SCGB1D4: variants seen among roughly 807,000 people sequenced by gnomAD.
The protein encoded by SCGB1D4 is IFN-gamma inducible SCGB (IIS).
A neutral mutation model predicts 8.1 loss-of-function variants in SCGB1D4; 6 were observed. The observed-to-expected ratio is 0.74, with a 90% CI of 0.40 to 1.45. SCGB1D4 has a LOEUF of 1.45. Ranked by LOEUF, SCGB1D4 falls within the 40% of genes most tolerant of loss-of-function variation. The pLI is 0.02. For synonymous variants in SCGB1D4, 34 were observed against 38.1 expected (o/e 0.89, Z 0.39); for missense variants, 93 against 95.0 (o/e 0.98, Z 0.09).
chr11:62,298,496 T>C (rs780555983), intron 1 of SCGB1D4, among the ~76,000 whole-genome samples: 5 of 152,160 alleles, frequency 3.3e-5, no homozygotes, highest in East Asian at 1.9e-4. Flanking sequence ...CAGTAGCTCA[T>C]GCCTGTTATC....
At chr11:62,298,039 TG>T (rs1945457625) in intron 1 of SCGB1D4, among the ~76,000 whole-genome samples, 3 of 147,034 alleles carry the variant, frequency 2.0e-5, no homozygotes, top group African/African-American at 7.7e-5. Context: ...TGTGTGTGTG[TG>T]TGTGTGTTTT....
rs775132432 is a variant in SCGB1D4 at position 62,296,394 on chromosome 11, A to ACACCAC, written c.*10_*15dup. Reference sequence around the variant, plus strand: ...CAGGTTGAGCATTTTTACATGTCACACACCACATTTTTTCACTATTTCCAC... The same window carrying ACACCAC: ...CAGGTTGAGCATTTTTACATGTCACACACCACCACCACATTTTTTCACTATTTCCAC... On this transcript the variant is annotated 3_prime_UTR_variant, in exon 3 of 3. Coordinates refer to ENST00000358585, the MANE Select transcript of SCGB1D4 (RefSeq NM_206998.2). The ACACCAC allele has an allele frequency of 2.5e-6, 4 of 1,612,142 alleles. No individual in the cohort carries two copies. The South Asian group carries it at 4.4e-5, about 18-fold the overall frequency.
At chr11:62,296,454 T>TTGGCCGGGCGC in intron 2 of SCGB1D4, 35 bp from the exon 3 acceptor site, 1 of 1,599,634 alleles carries the variant, frequency 6.3e-7, no homozygotes, top group Non-Finnish European at 8.5e-7. Context: ...GAAAGAAAGG[T>TTGGCCGGGCGC]GAGGTCAGTC....
At position 62,298,051 on chromosome 11, in the gene SCGB1D4, G is replaced by GTT. The variant is rs1361618055; in HGVS notation, c.56-395_56-394dup. On this transcript the variant is annotated intron_variant, in intron 1 of 2. Coordinates refer to ENST00000358585, the MANE Select transcript of SCGB1D4 (RefSeq NM_206998.2). ...GTGTGTGTGTGTGTGTGTGTGTTTTGTTTTGTTTTTTTTTTTTGTAGAGAT... is the reference window on the plus strand; with the variant it reads ...GTGTGTGTGTGTGTGTGTGTGTTTTGTTTTTTGTTTTTTTTTTTTGTAGAGAT... Among the ~76,000 whole-genome samples the GTT allele has an allele frequency of 3.3e-4, 36 of 108,528 alleles. 2 individuals carry two copies. Among genetic ancestry groups the GTT allele is most frequent in the African/African-American group, 9.2e-4 (24 of 25,976 alleles). 71.2% of individuals were successfully genotyped at this position (108,528 alleles called of 152,430 possible).
intron 2 of SCGB1D4, among the ~76,000 whole-genome samples, chr11:62,296,735 C>A (rs970050325): frequency 6.6e-6 from 1 of 152,172 alleles, no homozygotes; most frequent in Non-Finnish European, 1.5e-5. Context: ...TGTCCCAGGT[C>A]TGTGGAGTCT....
chr11:62,297,291 C>T (rs1945447851), intron 2 of SCGB1D4, among the ~76,000 whole-genome samples, 181 bp downstream of exon 2: 1 of 152,186 alleles, frequency 6.6e-6, no homozygotes, highest in African/African-American at 2.4e-5. Context: ...AGGAAAGATC[C>T]CAGCAGGGAG....
chr11:62,297,805 T>A (rs1528732), intron 1 of SCGB1D4, 147 bp from the exon 2 acceptor site: 19,003 of 633,728 alleles, frequency 0.03, 877 homozygotes, highest in Admixed American at 0.13. Context: ...ACTCCAGGTG[T>A]GACTTTCTCC....
chr11:62,296,618 T>C (rs1377448098), intron 2 of SCGB1D4, among the ~76,000 whole-genome samples, 199 bp from the exon 3 acceptor site: 2 of 152,152 alleles, frequency 1.3e-5, no homozygotes, highest in Non-Finnish European at 2.9e-5. Flanking sequence ...AAAGCAGCCT[T>C]TCCCCACCAG....
In SCGB1D4 at chr11:62,296,344, G is replaced by A; in HGVS notation, c.*66C>T. 7.2e-7 allele frequency: 1 copy of A among 1,396,086 alleles called. No homozygotes were observed. Among genetic ancestry groups the A allele is most frequent in the Non-Finnish European group, 1.0e-6 (1 of 982,030 alleles). 86.5% of individuals were successfully genotyped at this position (1,396,086 alleles called of 1,614,324 possible). ...CTTTACAATTTTTAGTGAAGATCAG[G>A]GTGTCGTTGAAAGACTTTGGAAACC... is the stretch of plus-strand genomic sequence containing the variant. On this transcript the variant is annotated 3_prime_UTR_variant, in exon 3 of 3. Transcript: ENST00000358585.
Position 62,298,831 on chromosome 11 carries a change from GA to G in SCGB1D4, c.55+124del. The G allele has an allele frequency of 4.4e-6, 3 of 684,206 alleles. No individual in the cohort carries two copies. In the Admixed American group the frequency reaches 9.3e-5, roughly 21 times the overall value. 42.4% of individuals were successfully genotyped at this position (684,206 alleles called of 1,614,324 possible). ...TTATGAATCTTATTCAACAAGCACAGAAAAGGGTTTGGAATTTTGTTTGGTT... is the reference window on the plus strand; with the variant it reads ...TTATGAATCTTATTCAACAAGCACAGAAAGGGTTTGGAATTTTGTTTGGTT... On this transcript the variant is annotated intron_variant, in intron 1 of 2. Transcript: ENST00000358585.
intron 2 of SCGB1D4, among the ~76,000 whole-genome samples, chr11:62,296,646 G>A (rs975806386): frequency 9.9e-5 from 15 of 152,200 alleles, no homozygotes; most frequent in African/African-American, 1.2e-4. Flanking sequence ...GACCTGGGAA[G>A]ACCCAGGAGT....
chr11:62,296,901 G>C (rs143883567), intron 2 of SCGB1D4, among the ~76,000 whole-genome samples: 2 of 152,212 alleles, frequency 1.3e-5, no homozygotes, highest in East Asian at 1.9e-4. Flanking sequence ...AGCTTCTATG[G>C]GTATTTGCAG....
intron 2 of SCGB1D4, 121 bp downstream of exon 2, chr11:62,297,351 C>T (rs1565139401): frequency 1.2e-6 from 1 of 818,642 alleles, no homozygotes; most frequent in Non-Finnish European, 2.0e-6. Context: ...TAGCTCACTC[C>T]CCATGTCCTC....
chr11:62,299,021 T>G lies in SCGB1D4; in HGVS notation c.-11A>C. On this transcript the variant is annotated 5_prime_UTR_variant, in exon 1 of 3. Coordinates refer to ENST00000358585, the MANE Select transcript of SCGB1D4 (RefSeq NM_206998.2). ...CACTGACAGCCTCATGGTGGCTTAT[T>G]CGGCTGTGAGCTCAGCTTTCACAAT... 6.2e-7 allele frequency: 1 copy of G among 1,612,738 alleles called. No individual in the cohort carries two copies. The highest frequency in any genetic ancestry group is 8.5e-7 in the Non-Finnish European group (1 of 1,179,396).
At chr11:62,298,345 C>G (rs979797863) in intron 1 of SCGB1D4, among the ~76,000 whole-genome samples, 2 of 152,124 alleles carry the variant, frequency 1.3e-5, no homozygotes, top group African/African-American at 4.8e-5. Flanking sequence ...CACCCCAGAC[C>G]TCACATTACA....
At chr11:62,298,284 G>A (rs145754747) in intron 1 of SCGB1D4, among the ~76,000 whole-genome samples, 4 of 152,034 alleles carry the variant, frequency 2.6e-5, no homozygotes, top group Non-Finnish European at 5.9e-5. Context: ...GCTCAAGGAG[G>A]GTGAGCATTG....
intron 2 of SCGB1D4, among the ~76,000 whole-genome samples, chr11:62,296,951 G>A (rs887400875): frequency 1.3e-5 from 2 of 152,232 alleles, no homozygotes; most frequent in African/African-American, 4.8e-5. Context: ...GCCAGGCTGA[G>A]AGGGCCCTGG....
In SCGB1D4 at chr11:62,297,468, T is replaced by C; in HGVS notation, c.242+4A>G. 1.2e-6 allele frequency: 2 copies of C among 1,607,214 alleles called. No homozygotes were observed. Among genetic ancestry groups the C allele is most frequent in the Middle Eastern group, 1.7e-4 (1 of 6,034 alleles). ...TGCCTCTGCATAAAGGAGAAAGAAA[T>C]TACCAGGACTTTTTCAATGAGAGTC... On this transcript the variant is annotated splice_donor_region_variant and intron_variant, in intron 2 of 2. Coordinates refer to ENST00000358585, the MANE Select transcript of SCGB1D4 (RefSeq NM_206998.2).
At chr11:62,296,454 T>TTGGCCGGGCGCG in intron 2 of SCGB1D4, 35 bp from the exon 3 acceptor site, 2 of 1,599,634 alleles carry the variant, frequency 1.3e-6, no homozygotes, top group Non-Finnish European at 1.7e-6. Flanking sequence ...GAAAGAAAGG[T>TTGGCCGGGCGCG]GAGGTCAGTC....
Sources: allele counts gnomAD v4.1 joint callset (sites outside exome capture counted in the v4.1 genomes callset), GRCh38; gene constraint gnomAD v4.1.1; transcripts MANE v1.5; gene names NCBI Gene and HGNC (gene_info 2026-07-23, HGNC 2026-07-21).